GRIA1: variants seen among roughly 807,000 people sequenced by gnomAD.
GRIA1 encodes the protein glutamate receptor 1.
In GRIA1, 31 loss-of-function variants were observed where a neutral mutation model predicts 99.2. The observed-to-expected ratio is 0.31, with a 90% CI of 0.23 to 0.42. The LOEUF (loss-of-function observed/expected upper bound fraction) is 0.42, where lower values mean the gene tolerates loss of function less well. GRIA1 is among the 10% of genes least tolerant of loss of function. The pLI, the probability that GRIA1 is intolerant of heterozygous loss-of-function variation, is 1.00. For synonymous variants in GRIA1, 438 were observed against 432.4 expected (o/e 1.01, Z -0.16); for missense variants, 782 against 1,157.5 (o/e 0.68, Z 4.71).
chr5:153,598,690 T>C (rs1353109012), intron 2 of GRIA1, among the ~76,000 whole-genome samples: 1 of 152,204 alleles, frequency 6.6e-6, no homozygotes, highest in Non-Finnish European at 1.5e-5. Context: ...TTCCTTTCCT[T>C]ATAGCCAATA....
chr5:153,587,138 G>A (rs1248915300), intron 2 of GRIA1, among the ~76,000 whole-genome samples: 1 of 152,134 alleles, frequency 6.6e-6, no homozygotes, highest in East Asian at 1.9e-4. Flanking sequence ...AATGCTGAAG[G>A]TGGGGCCTAG....
chr5:153,736,353 C>T lies in GRIA1; in HGVS notation c.1824-28081C>T, dbSNP rs535797115. Reference sequence around the variant, plus strand: ...ATATGTATATGCTGGTATTTATGCCCTCTGTTATCATTTCCATAAGACAAG... The same window carrying T: ...ATATGTATATGCTGGTATTTATGCCTTCTGTTATCATTTCCATAAGACAAG... On this transcript the variant is annotated intron_variant, in intron 11 of 15. Coordinates refer to ENST00000285900, the MANE Select transcript of GRIA1 (RefSeq NM_000827.4). Among the ~76,000 whole-genome samples, 3 of 152,258 alleles carry T rather than the reference C, an allele frequency of 2.0e-5. No individual in the cohort carries two copies. In the East Asian group the frequency reaches 5.8e-4, roughly 29 times the overall value.
chr5:153,518,686 C>G (rs545957360), intron 2 of GRIA1, among the ~76,000 whole-genome samples: 2 of 152,232 alleles, frequency 1.3e-5, no homozygotes, highest in East Asian at 3.9e-4. Flanking sequence ...CAGCACTGTA[C>G]AAATATTATG....
At position 153,686,185 on chromosome 5, in the gene GRIA1, C is replaced by A. The variant is rs549412016; in HGVS notation, c.1030-40C>A. 2.9e-6 allele frequency: 4 copies of A among 1,389,674 alleles called. No individual in the cohort carries two copies. The African/African-American group carries it at 5.7e-5, about 20-fold the overall frequency. 86.1% of individuals were successfully genotyped at this position (1,389,674 alleles called of 1,614,324 possible). A position where few individuals can be genotyped will look rare whatever the true frequency, so the allele number is the denominator to read the frequency against. On this transcript the variant is annotated intron_variant, in intron 7 of 15. Coordinates refer to ENST00000285900, the MANE Select transcript of GRIA1 (RefSeq NM_000827.4). ...GGAAAAAGCAAACACACATAAAGTA[C>A]ATCTGAGTTCACTGCCCACCACTTG...
chr5:153,589,318 C>T (rs756259477), intron 2 of GRIA1, among the ~76,000 whole-genome samples: 27 of 152,076 alleles, frequency 1.8e-4, no homozygotes, highest in South Asian at 4.2e-4. Context: ...GGAAGTGCCC[C>T]GAGCAGTTGG....
At chr5:153,679,919 G>GT (rs1756854417) in intron 7 of GRIA1, among the ~76,000 whole-genome samples, 2 of 152,216 alleles carry the variant, frequency 1.3e-5, no homozygotes, top group South Asian at 4.1e-4. Flanking sequence ...TAAAGGCTTA[G>GT]TATACACAAA....
chr5:153,737,374 T>A (rs1396431086), intron 11 of GRIA1, among the ~76,000 whole-genome samples: 3 of 151,178 alleles, frequency 2.0e-5, no homozygotes, highest in African/African-American at 7.3e-5. Context: ...TTACATAAAT[T>A]GGCCAAGACC....
chr5:153,698,987 C>G lies in GRIA1; in HGVS notation c.1366C>G (p.Leu456Val). 1 of 1,613,966 alleles carries G rather than the reference C, an allele frequency of 6.2e-7. No individual in the cohort carries two copies. The highest frequency in any genetic ancestry group is 8.5e-7 in the Non-Finnish European group (1 of 1,179,890). The change falls in exon 10 of 16, where the codon CTG becomes GTG. Residue 456 changes from leucine (L) to valine (V), a missense_variant. Physicochemically the swap from Leu to Val is conservative, Grantham distance 32. Around this residue, in one of 5 missense-constraint regions of GRIA1, gnomAD observed 87 missense variants for 184.5 expected, o/e 0.47. Transcript: ENST00000285900. Reference sequence around the variant, plus strand: ...CAAGCACGTGGGCTACTCCTACCGTCTGGAGATTGTCAGTGATGGAAAATA... The same window carrying G: ...CAAGCACGTGGGCTACTCCTACCGTGTGGAGATTGTCAGTGATGGAAAATA... ...IAKHVGYSYR[L>V]EIVSDGKYGA...
intron 10 of GRIA1, among the ~76,000 whole-genome samples, chr5:153,703,469 G>C (rs577941940): frequency 1.3e-5 from 2 of 152,346 alleles, no homozygotes; most frequent in Admixed American, 6.5e-5. Context: ...AACAGGCTGG[G>C]TATGGTGGCT....
intron 2 of GRIA1, among the ~76,000 whole-genome samples, chr5:153,631,806 TA>T (rs1172339814): frequency 6.6e-6 from 1 of 152,114 alleles, no homozygotes; most frequent in African/African-American, 2.4e-5. Context: ...GGATACAAAC[TA>T]AATGTTGTGA....
chr5:153,801,109 C>A (rs548679085), intron 14 of GRIA1, among the ~76,000 whole-genome samples: 15 of 152,384 alleles, frequency 9.8e-5, no homozygotes, highest in African/African-American at 3.6e-4. Context: ...TGTTCTTTTG[C>A]CTGTGTCAAG....
chr5:153,663,052 G>A (rs1367555174), intron 5 of GRIA1, among the ~76,000 whole-genome samples: 1 of 152,128 alleles, frequency 6.6e-6, no homozygotes, highest in Non-Finnish European at 1.5e-5. Context: ...GAGAGTGGGT[G>A]GATAGAAAGA....
intron 2 of GRIA1, among the ~76,000 whole-genome samples, chr5:153,509,790 A>T (rs1755883216): frequency 6.6e-6 from 1 of 152,226 alleles, no homozygotes; most frequent in Non-Finnish European, 1.5e-5. Context: ...AGTGCTTAGC[A>T]TAAGGCCTGG....
At chr5:153,555,063 T>C (rs1873905) in intron 2 of GRIA1, among the ~76,000 whole-genome samples, 1 of 151,854 alleles carries the variant, frequency 6.6e-6, no homozygotes, top group African/African-American at 2.4e-5. Context: ...CCTCTGATTC[T>C]CAGTGATGTA....
chr5:153,588,270 C>T (rs1763667039), intron 2 of GRIA1, among the ~76,000 whole-genome samples: 1 of 152,164 alleles, frequency 6.6e-6, no homozygotes, highest in South Asian at 2.1e-4. Context: ...CCTTCTGGCT[C>T]ATTTTGTGCA....
intron 1 of GRIA1, 124 bp from the exon 2 acceptor site, chr5:153,493,804 C>T (rs1242932189): frequency 1.1e-6 from 1 of 923,736 alleles, no homozygotes; most frequent in Non-Finnish European, 1.7e-6. Flanking sequence ...CTCATCTCTA[C>T]CACTCAAGGC....
chr5:153,499,554 G>A (rs1395437970), intron 2 of GRIA1, among the ~76,000 whole-genome samples: 4 of 133,738 alleles, frequency 3.0e-5, no homozygotes, highest in African/African-American at 1.1e-4. Context: ...GGCAGAGGTT[G>A]CATTGAGCCA....
chr5:153,789,002 A>G (rs985690515), intron 13 of GRIA1, among the ~76,000 whole-genome samples: 1 of 152,044 alleles, frequency 6.6e-6, no homozygotes. Flanking sequence ...ACTTTTGCCT[A>G]TTGGTCATAG....
intron 13 of GRIA1, among the ~76,000 whole-genome samples, chr5:153,791,036 T>A (rs1041738441): frequency 6.6e-6 from 1 of 152,160 alleles, no homozygotes; most frequent in Non-Finnish European, 1.5e-5. Flanking sequence ...TGGATTAGAA[T>A]ACAGTGAATC....
Sources: gnomAD v4.1 joint callset for allele counts (sites outside exome capture counted in the v4.1 genomes callset) on GRCh38, gnomAD v4.1.1 for gene constraint, gnomAD v4.1.1 regional missense constraint, MANE v1.5 for transcripts, NCBI Gene and HGNC (gene_info 2026-07-23, HGNC 2026-07-21) for gene names.